RPA3: variants seen among roughly 807,000 people sequenced by gnomAD.
RPA3 encodes replication protein A 14 kDa subunit.
A neutral mutation model predicts 13.7 loss-of-function variants in RPA3; 24 were observed. That is an observed-to-expected ratio of 1.75 (90% confidence interval 1.27 to 2.46). RPA3 has a LOEUF of 2.46. RPA3 is among the 30% of genes most tolerant of loss of function. The pLI, the probability that RPA3 is intolerant of heterozygous loss-of-function variation, is 0.00. For synonymous variants in RPA3, 59 were observed against 51.2 expected (o/e 1.15, Z -0.65); for missense variants, 183 against 151.0 (o/e 1.21, Z -1.11).
intron 2 of RPA3, among the ~76,000 whole-genome samples, chr7:7,702,788 G>C (rs567621253): frequency 7.7e-6 from 1 of 130,128 alleles, no homozygotes; most frequent in African/African-American, 2.9e-5. Context: ...CTGGGTTTTT[G>C]TTGTTGTTGT....
chr7:7,659,132 T>G (rs1003703379), intron 4 of RPA3, among the ~76,000 whole-genome samples: 4 of 152,360 alleles, frequency 2.6e-5, no homozygotes, highest in Middle Eastern at 6.8e-3. Context: ...TTTGTATTGC[T>G]GTGGGATCAA....
At chr7:7,692,093 G>C (rs969246948) in intron 2 of RPA3, among the ~76,000 whole-genome samples, 1 of 152,124 alleles carries the variant, frequency 6.6e-6, no homozygotes, top group Non-Finnish European at 1.5e-5. Context: ...TACCCCTGGG[G>C]TTCCATTCTG....
chr7:7,671,456 C>G (rs1271166498), intron 4 of RPA3, among the ~76,000 whole-genome samples: 1 of 152,196 alleles, frequency 6.6e-6, no homozygotes, highest in Non-Finnish European at 1.5e-5. Flanking sequence ...GCTATATACC[C>G]TTTATTTGAT....
chr7:7,656,246 G>A (rs1045033295), intron 4 of RPA3, among the ~76,000 whole-genome samples: 4 of 152,040 alleles, frequency 2.6e-5, no homozygotes, highest in Non-Finnish European at 4.4e-5. Context: ...AATACGAGTT[G>A]AAGGAGAAAA....
chr7:7,709,544 G>T (rs74601666), intron 2 of RPA3, among the ~76,000 whole-genome samples: 2 of 152,354 alleles, frequency 1.3e-5, no homozygotes, highest in South Asian at 4.1e-4. Flanking sequence ...AAAGTCAGGC[G>T]CTGAGCCTGC....
At position 7,675,759 on chromosome 7, in the gene RPA3, C is replaced by CA. The variant is rs111409747; in HGVS notation, c.-758+10070dup. Reference sequence around the variant, plus strand: ...CAGTTGAACAGTCATGGTGAGGAATCACTTCCGTCGTAGTTCCAGGATAGC... The same window carrying CA: ...CAGTTGAACAGTCATGGTGAGGAATCAACTTCCGTCGTAGTTCCAGGATAGC... On this transcript the variant is annotated intron_variant, in intron 4 of 7. Transcript: ENST00000223129. Among the ~76,000 whole-genome samples the CA allele has an allele frequency of 5.1e-3, 780 of 152,288 alleles. 6 individuals are homozygous for CA. Among genetic ancestry groups the CA allele is most frequent in the African/African-American group, 0.018 (747 of 41,558 alleles).
Position 7,658,740 on chromosome 7 carries a change from G to A in RPA3, c.-757-17565C>T, listed in dbSNP as rs529916243. Among the ~76,000 whole-genome samples the A allele has an allele frequency of 2.6e-5, 4 of 152,208 alleles. No individual in the cohort carries two copies. In the East Asian group the frequency reaches 7.7e-4, roughly 29 times the overall value. On this transcript the variant is annotated intron_variant, in intron 4 of 7. Coordinates refer to ENST00000223129, the MANE Select transcript of RPA3 (RefSeq NM_002947.5). ...GTATCTTATTGAGTATTTTTGCATCGATATTCATCAGGAATGTTGGCCTGA... is the reference window on the plus strand; with the variant it reads ...GTATCTTATTGAGTATTTTTGCATCAATATTCATCAGGAATGTTGGCCTGA...
At chr7:7,659,091 G>A (rs567532222) in intron 4 of RPA3, among the ~76,000 whole-genome samples, 39 of 152,230 alleles carry the variant, frequency 2.6e-4, no homozygotes, top group Non-Finnish European at 4.3e-4. Flanking sequence ...GTTTATTTGC[G>A]TAGCTTGTTT....
chr7:7,715,700 A>G (rs1215433434), intron 1 of RPA3, among the ~76,000 whole-genome samples: 1 of 152,230 alleles, frequency 6.6e-6, no homozygotes, highest in African/African-American at 2.4e-5. Flanking sequence ...TAGTTTTACC[A>G]TTGAATGTAA....
At chr7:7,718,022 T>C (rs1780960288) in intron 1 of RPA3, among the ~76,000 whole-genome samples, 1 of 152,226 alleles carries the variant, frequency 6.6e-6, no homozygotes, top group African/African-American at 2.4e-5. Context: ...TTTTTAGAAT[T>C]GACACAATGA....
chr7:7,710,579 A>G (rs1003149014), intron 2 of RPA3, among the ~76,000 whole-genome samples: 4 of 152,194 alleles, frequency 2.6e-5, no homozygotes, highest in Non-Finnish European at 4.4e-5. Flanking sequence ...GGATGAAGAG[A>G]ATCTGGATCA....
chr7:7,661,654 T>C (rs2115091100), intron 4 of RPA3, among the ~76,000 whole-genome samples: 1 of 152,284 alleles, frequency 6.6e-6, no homozygotes, highest in South Asian at 2.1e-4. Context: ...ACAGCAAAGA[T>C]TGTTGCCCGT....
chr7:7,657,825 G>A (rs1444777845), intron 4 of RPA3, among the ~76,000 whole-genome samples: 2 of 152,120 alleles, frequency 1.3e-5, no homozygotes, highest in Admixed American at 1.3e-4. Context: ...GAAATTTAAA[G>A]TAGTTTTTTC....
intron 4 of RPA3, among the ~76,000 whole-genome samples, chr7:7,664,463 C>T (rs886524724): frequency 2.6e-5 from 4 of 152,200 alleles, no homozygotes; most frequent in Non-Finnish European, 5.9e-5. Flanking sequence ...CTGACACTTT[C>T]CTGACGCTTA....
chr7:7,693,765 T>C (rs905579550), intron 2 of RPA3, among the ~76,000 whole-genome samples: 4 of 152,200 alleles, frequency 2.6e-5, no homozygotes, highest in Non-Finnish European at 4.4e-5. Flanking sequence ...TTTAAATATT[T>C]TGTAAGATGT....
chr7:7,699,059 G>T (rs536518472), intron 2 of RPA3, among the ~76,000 whole-genome samples: 4 of 138,130 alleles, frequency 2.9e-5, no homozygotes, highest in African/African-American at 1.1e-4. Context: ...TGGGGGGGGG[G>T]TAGATACCAG....
At chr7:7,717,272 G>C (rs1780939785) in intron 1 of RPA3, among the ~76,000 whole-genome samples, 1 of 152,002 alleles carries the variant, frequency 6.6e-6, no homozygotes, top group African/African-American at 2.4e-5. Flanking sequence ...GGCCTGGCTG[G>C]TCTCGAACTC....
intron 4 of RPA3, among the ~76,000 whole-genome samples, chr7:7,641,975 T>C (rs897000843): frequency 6.6e-6 from 1 of 152,238 alleles, no homozygotes; most frequent in Non-Finnish European, 1.5e-5. Flanking sequence ...TAAACAGATG[T>C]AGAATGTGTG....
At chr7:7,694,517 A>G (rs1201612983) in intron 2 of RPA3, among the ~76,000 whole-genome samples, 1 of 151,900 alleles carries the variant, frequency 6.6e-6, no homozygotes, top group African/African-American at 2.4e-5. Flanking sequence ...AACCATCTCC[A>G]TTCCCCACCC....
Sources: allele counts gnomAD v4.1 joint callset (sites outside exome capture counted in the v4.1 genomes callset), GRCh38; gene constraint gnomAD v4.1.1; transcripts MANE v1.5; gene names NCBI Gene and HGNC (gene_info 2026-07-23, HGNC 2026-07-21).